Variants in GJB7 observed in about 807,000 individuals in gnomAD.
The protein encoded by GJB7 is gap junction protein beta 7, also known as gap junction beta-7 protein.
For missense variants in GJB7, 253 were observed against 256.8 expected (o/e 0.99, Z 0.10); for synonymous variants, 87 against 95.2 (o/e 0.91, Z 0.50).
In GJB7 at chr6:87,283,935, T is replaced by G. The variant is rs1240515262; in HGVS notation, c.*306A>C. 1 of 238,610 alleles carries G rather than the reference T, an allele frequency of 4.2e-6. No individual in the cohort carries two copies. The highest frequency in any genetic ancestry group is 2.2e-5 in the African/African-American group (1 of 44,922). The allele number at this position is 238,610 out of a possible 1,614,324, so 14.8% of individuals were successfully genotyped here. Reference sequence around the variant, plus strand: ...ATTACCTATTCTAAAACAACTAATGTTATCCACATACTGGAGAACCCTACA... The same window carrying G: ...ATTACCTATTCTAAAACAACTAATGGTATCCACATACTGGAGAACCCTACA... On this transcript the variant is annotated 3_prime_UTR_variant, in exon 3 of 3. Transcript: ENST00000525899.
chr6:87,289,006 G>A (rs146009931), intron 2 of GJB7, among the ~76,000 whole-genome samples: 314 of 152,244 alleles, frequency 2.1e-3, no homozygotes, highest in African/African-American at 7.4e-3. Context: ...TGCATTGAGG[G>A]TAGGGGAAAA....
intron 2 of GJB7, among the ~76,000 whole-genome samples, chr6:87,310,499 A>C (rs1268866950): frequency 6.6e-6 from 1 of 152,064 alleles, no homozygotes; most frequent in Admixed American, 6.6e-5. Context: ...AGAAAACATA[A>C]ACAAGTGTGG....
intron 2 of GJB7, among the ~76,000 whole-genome samples, chr6:87,294,515 A>T (rs145860745): frequency 7.9e-5 from 12 of 152,382 alleles, no homozygotes; most frequent in Non-Finnish European, 1.3e-4. Context: ...AAGCACTATT[A>T]TGCATTGGGA....
At chr6:87,317,124 G>A (rs998509282) in intron 2 of GJB7, among the ~76,000 whole-genome samples, 8 of 151,608 alleles carry the variant, frequency 5.3e-5, no homozygotes, top group African/African-American at 1.9e-4. Flanking sequence ...GGAGGCTGAG[G>A]TGGATGGATC....
At chr6:87,298,137 T>C (rs1776271246) in intron 2 of GJB7, among the ~76,000 whole-genome samples, 1 of 152,212 alleles carries the variant, frequency 6.6e-6, no homozygotes, top group South Asian at 2.1e-4. Context: ...CAATCAATCC[T>C]CTAGCTGAGA....
At chr6:87,319,086 G>A (rs1471635654) in intron 2 of GJB7, among the ~76,000 whole-genome samples, 2 of 152,168 alleles carry the variant, frequency 1.3e-5, no homozygotes, top group African/African-American at 4.8e-5. Flanking sequence ...TGGTCCCTTT[G>A]AATGTGTTTT....
At chr6:87,297,149 C>T (rs61437530) in intron 2 of GJB7, among the ~76,000 whole-genome samples, 2,240 of 152,246 alleles carry the variant, frequency 0.015, 58 homozygotes, top group African/African-American at 0.05. Flanking sequence ...CAGGACCCAA[C>T]GAAGGGTTTG....
chr6:87,290,929 T>TA (rs778787515), intron 2 of GJB7, among the ~76,000 whole-genome samples: 1 of 152,224 alleles, frequency 6.6e-6, no homozygotes, highest in Non-Finnish European at 1.5e-5. Flanking sequence ...GAACTTTAAT[T>TA]ATTTTAGCCT....
intron 2 of GJB7, chr6:87,300,526 AG>A (rs781542600): frequency 2.6e-4 from 46 of 179,026 alleles, no homozygotes; most frequent in Middle Eastern, 3.2e-3. Flanking sequence ...ACTTCAGAGA[AG>A]TCAGTTGGAG....
At chr6:87,292,366 T>C (rs1776188358) in intron 2 of GJB7, among the ~76,000 whole-genome samples, 1 of 152,242 alleles carries the variant, frequency 6.6e-6, no homozygotes, top group African/African-American at 2.4e-5. Flanking sequence ...TTATCTTTGA[T>C]GAGCTTAATT....
intron 2 of GJB7, among the ~76,000 whole-genome samples, chr6:87,306,723 C>G (rs1776434042): frequency 6.6e-6 from 1 of 152,144 alleles, no homozygotes; most frequent in African/African-American, 2.4e-5. Flanking sequence ...GACACATGCA[C>G]ACGTATGTTT....
At chr6:87,298,602 A>C (rs1224504191) in intron 2 of GJB7, among the ~76,000 whole-genome samples, 5 of 152,160 alleles carry the variant, frequency 3.3e-5, no homozygotes, top group Non-Finnish European at 7.3e-5. Context: ...AAAACAAAAC[A>C]AAAAAATACT....
intron 2 of GJB7, among the ~76,000 whole-genome samples, chr6:87,287,544 T>C (rs1256704980): frequency 6.6e-6 from 1 of 152,188 alleles, no homozygotes; most frequent in Non-Finnish European, 1.5e-5. Context: ...ATGTCCTTGG[T>C]TTTCAGAACA....
At chr6:87,328,127 A>T (rs879153892) in intron 1 of GJB7, among the ~76,000 whole-genome samples, 8 of 152,080 alleles carry the variant, frequency 5.3e-5, no homozygotes, top group Middle Eastern at 3.2e-3. Context: ...AGCACTTCTC[A>T]GTATTGGTTA....
chr6:87,284,630 C>G lies in GJB7; in HGVS notation c.283G>C (p.Val95Leu), dbSNP rs144733815. ...TTCTCTCTACCCTCATGATAGGCTA[C>G]ATGTAAAACCACCAGAAGTGAAGGT... ...STPSLLVVLHVAYHEGREKRH... is the reference protein window; with the variant it reads ...STPSLLVVLHLAYHEGREKRH... Residue 95 changes from valine to leucine, a missense_variant, in exon 3 of 3, where the codon GTA (valine) becomes CTA (leucine). By Grantham distance (32) the Val-to-Leu change is conservative. Transcript: ENST00000525899. 1.2e-6 allele frequency: 2 copies of G among 1,614,134 alleles called. No homozygotes were observed. Among genetic ancestry groups the G allele is most frequent in the Non-Finnish European group, 1.7e-6 (2 of 1,180,026 alleles).
Position 87,284,625 on chromosome 6 carries a change from G to T in GJB7, c.288C>A (p.Ala96=), listed in dbSNP as rs200785675. 6.2e-7 allele frequency: 1 copy of T among 1,614,084 alleles called. No individual in the cohort carries two copies. The highest frequency in any genetic ancestry group is 2.2e-5 in the East Asian group (1 of 44,880). Residue 96 remains alanine (A), a synonymous_variant, in exon 3 of 3, where the codon GCC becomes GCA. Coordinates refer to ENST00000525899, the MANE Select transcript of GJB7 (RefSeq NM_198568.3). ...TPSLLVVLHV[A]YHEGREKRHR... is the part of the protein sequence containing the mutation. ...GCCTTTTCTCTCTACCCTCATGATAGGCTACATGTAAAACCACCAGAAGTG... is the reference window on the plus strand; with the variant it reads ...GCCTTTTCTCTCTACCCTCATGATATGCTACATGTAAAACCACCAGAAGTG...
chr6:87,322,298 G>A (rs1325401625), intron 2 of GJB7: 1 of 149,018 alleles, frequency 6.7e-6, no homozygotes, highest in Admixed American at 6.6e-5. Context: ...ATACTTCTAG[G>A]AGATGTCTCC....
intron 2 of GJB7, among the ~76,000 whole-genome samples, chr6:87,307,513 T>C (rs1437246206): frequency 6.6e-6 from 1 of 151,848 alleles, no homozygotes; most frequent in Non-Finnish European, 1.5e-5. Context: ...TACAAGGAAC[T>C]CCAACAAATT....
intron 2 of GJB7, among the ~76,000 whole-genome samples, chr6:87,295,197 A>T (rs1776233118): frequency 6.6e-6 from 1 of 152,198 alleles, no homozygotes; most frequent in Admixed American, 6.5e-5. Context: ...TGGGCAGCAA[A>T]ACACTTGTGG....
Sources: gnomAD v4.1 joint callset for allele counts (sites outside exome capture counted in the v4.1 genomes callset) on GRCh38, gnomAD v4.1.1 for gene constraint, MANE v1.5 for transcripts, NCBI Gene and HGNC (gene_info 2026-07-23, HGNC 2026-07-21) for gene names.